DOCK3: variants seen among roughly 807,000 people sequenced by gnomAD.
The protein encoded by DOCK3 is dedicator of cytokinesis 3, also known as dedicator of cytokinesis protein 3.
DOCK3 carries 60 observed loss-of-function variants against 265.6 expected under a neutral mutation model. The ratio of observed to expected loss-of-function variants is 0.23; its 90% CI spans 0.18 to 0.28. The LOEUF (loss-of-function observed/expected upper bound fraction) is 0.28, where lower values mean the gene tolerates loss of function less well. Ranked by LOEUF, DOCK3 falls within the 10% of genes least tolerant of loss-of-function variation. The pLI, the probability that DOCK3 is intolerant of heterozygous loss-of-function variation, is 1.00. For missense variants in DOCK3, 1,981 were observed against 2,594.3 expected (o/e 0.76, Z 5.14); for synonymous variants, 881 against 938.0 (o/e 0.94, Z 1.11).
chr3:50,791,761 T>C (rs2042490910), intron 2 of DOCK3, among the ~76,000 whole-genome samples: 1 of 152,160 alleles, frequency 6.6e-6, no homozygotes, highest in African/African-American at 2.4e-5. Flanking sequence ...TGTTTCTGGG[T>C]GCTCTGTTGT....
At chr3:51,081,895 C>CA (rs56305507) in intron 7 of DOCK3, among the ~76,000 whole-genome samples, 76,219 of 117,504 alleles carry the variant, frequency 0.65, 24,887 homozygotes, top group Admixed American at 0.72. Context: ...GACTCTGTCT[C>CA]AAAAAAAAAA....
At chr3:50,911,473 G>A (rs6446237) in intron 4 of DOCK3, among the ~76,000 whole-genome samples, 1,735 of 152,158 alleles carry the variant, frequency 0.011, 39 homozygotes, top group African/African-American at 0.04. Context: ...CTTCATATGT[G>A]TGGATTTATT....
chr3:50,884,217 A>T (rs2048212786), intron 3 of DOCK3, among the ~76,000 whole-genome samples: 1 of 151,590 alleles, frequency 6.6e-6, no homozygotes, highest in South Asian at 2.1e-4. Context: ...CAGCCTCCTG[A>T]TTAGCTAGGA....
In DOCK3 at chr3:51,383,389, C is replaced by T. The variant is rs2088783288; in HGVS notation, c.*1830C>T. On this transcript the variant is annotated 3_prime_UTR_variant, in exon 53 of 53. Transcript: ENST00000266037. ...GCTGGCCTGCTTCTCAGCCTACATT[C>T]ATTTGCAAGCTTCAATCTCTGGACC... 6.6e-6 allele frequency: 1 copy of T among 152,600 alleles called. No homozygotes were observed. 9.5% of individuals were successfully genotyped at this position (152,600 alleles called of 1,614,324 possible).
At chr3:50,750,580 G>C (rs927362443) in intron 1 of DOCK3, among the ~76,000 whole-genome samples, 21 of 152,162 alleles carry the variant, frequency 1.4e-4, no homozygotes, top group African/African-American at 4.3e-4. Context: ...TGCCTGCCTT[G>C]GCCTCCCAAA....
At chr3:50,725,981 G>A (rs1358699283) in intron 1 of DOCK3, among the ~76,000 whole-genome samples, 15 of 152,062 alleles carry the variant, frequency 9.9e-5, no homozygotes, top group South Asian at 2.1e-4. Flanking sequence ...TTACAATGTC[G>A]CGGATATAAA....
chr3:51,345,310 C>T (rs937322255), intron 38 of DOCK3, among the ~76,000 whole-genome samples: 2 of 152,132 alleles, frequency 1.3e-5, no homozygotes, highest in Admixed American at 1.3e-4. Context: ...GAGTCAGGGT[C>T]TATTTGAAAT....
intron 22 of DOCK3, among the ~76,000 whole-genome samples, chr3:51,249,086 G>A (rs1321515205): frequency 6.0e-5 from 9 of 150,196 alleles, no homozygotes; most frequent in African/African-American, 2.0e-4. Flanking sequence ...CAGCCACCCC[G>A]TCCGGGAGGG....
rs1018198839 is a variant in DOCK3, at chr3:50,890,136, G to A, written c.218+55G>A. 2.3e-6 allele frequency: 3 copies of A among 1,331,476 alleles called. No homozygotes were observed. In the African/African-American group the frequency reaches 4.7e-5, roughly 21 times the overall value. 82.5% of individuals were successfully genotyped at this position (1,331,476 alleles called of 1,614,324 possible). A position where few individuals can be genotyped will look rare whatever the true frequency, so the allele number is the denominator to read the frequency against. On this transcript the variant is annotated intron_variant, in intron 4 of 52. Transcript: ENST00000266037. The stretch of plus-strand genomic sequence containing the variant: ...ACAATTTTTATAGGCTACAGAGGAA[G>A]ATTGTTTTTCCTTTTGGTTCATAGT...
At chr3:50,736,696 CTTT>C (rs200155311) in intron 1 of DOCK3, among the ~76,000 whole-genome samples, 6 of 128,322 alleles carry the variant, frequency 4.7e-5, no homozygotes, top group African/African-American at 9.0e-5. Flanking sequence ...GCATAAATGT[CTTT>C]TTTTTTTTTT....
At chr3:50,908,987 T>G (rs2049704835) in intron 4 of DOCK3, among the ~76,000 whole-genome samples, 1 of 152,118 alleles carries the variant, frequency 6.6e-6, no homozygotes, top group African/African-American at 2.4e-5. Context: ...TTGTCTTTTT[T>G]GATATTTGAT....
chr3:51,304,706 G>A (rs950406873), intron 27 of DOCK3, among the ~76,000 whole-genome samples: 3 of 152,212 alleles, frequency 2.0e-5, no homozygotes, highest in Admixed American at 1.3e-4. Context: ...CTTGGCTGGT[G>A]GTGGGGGGCC....
At chr3:51,326,991 C>T (rs761700498) in intron 32 of DOCK3, among the ~76,000 whole-genome samples, 1 of 152,106 alleles carries the variant, frequency 6.6e-6, no homozygotes, top group Admixed American at 6.6e-5. Flanking sequence ...CATTTATTCT[C>T]ATTTTCTTAG....
intron 5 of DOCK3, among the ~76,000 whole-genome samples, chr3:50,937,393 G>T (rs941543172): frequency 1.3e-5 from 2 of 151,866 alleles, no homozygotes; most frequent in African/African-American, 2.4e-5. Flanking sequence ...GGTGGCTCAC[G>T]CCTGTAATCC....
intron 9 of DOCK3, among the ~76,000 whole-genome samples, chr3:51,137,662 T>G (rs1230856952): frequency 6.6e-6 from 1 of 152,198 alleles, no homozygotes; most frequent in Non-Finnish European, 1.5e-5. Context: ...TGTCACAGAT[T>G]GAAATTATGG....
intron 9 of DOCK3, among the ~76,000 whole-genome samples, chr3:51,126,977 G>A (rs538966343): frequency 6.6e-6 from 1 of 151,926 alleles, no homozygotes; most frequent in African/African-American, 2.4e-5. Context: ...ATATATATAT[G>A]AGTTTATTAA....
At chr3:51,006,223 C>T (rs189846522) in intron 5 of DOCK3, among the ~76,000 whole-genome samples, 1 of 147,818 alleles carries the variant, frequency 6.8e-6, no homozygotes, top group East Asian at 2.0e-4. Flanking sequence ...ATAAATGTTT[C>T]CTCTCACACT....
chr3:51,380,046 A>C, intron 51 of DOCK3, 79 bp from the exon 52 acceptor site: 1 of 1,386,716 alleles, frequency 7.2e-7, no homozygotes, highest in Non-Finnish European at 1.0e-6. Context: ...ATGCCTGCCC[A>C]GTTGGCCCAG....
At chr3:51,091,466 G>C (rs1041027771) in intron 9 of DOCK3, among the ~76,000 whole-genome samples, 1 of 152,070 alleles carries the variant, frequency 6.6e-6, no homozygotes, top group African/African-American at 2.4e-5. Context: ...GGCGAATCAC[G>C]AAGTCAGGAG....
Sources: gnomAD v4.1 joint callset for allele counts (sites outside exome capture counted in the v4.1 genomes callset) on GRCh38, gnomAD v4.1.1 for gene constraint, MANE v1.5 for transcripts, NCBI Gene and HGNC (gene_info 2026-07-23, HGNC 2026-07-21) for gene names.